Variants in FBXO6 observed in about 807,000 individuals in gnomAD.
FBXO6 encodes F-box protein 6.
In FBXO6, 13 loss-of-function variants were observed where a neutral mutation model predicts 25.0. The ratio of observed to expected loss-of-function variants is 0.52; its 90% CI spans 0.34 to 0.83. The LOEUF (loss-of-function observed/expected upper bound fraction) is 0.83. Ranked by LOEUF, FBXO6 falls within the 40% of genes least tolerant of loss-of-function variation. The probability of loss-of-function intolerance (pLI) is 0.02; values close to 1 mark genes in which losing one functional copy is unlikely to be tolerated. For synonymous variants in FBXO6, 138 were observed against 155.3 expected, an observed-to-expected ratio of 0.89 and a Z score of 0.83; for missense variants, 370 against 380.2, an observed-to-expected ratio of 0.97 and a Z score of 0.22.
rs955636873 is a variant in FBXO6, at chr1:11,668,829, G to A, written c.171G>A (p.Lys57=). ...LIDLMTLWKR[K]CLREGFITKD... is the part of the protein sequence containing the mutation. ...ACCTCATGACCCTCTGGAAACGCAA[G>A]TGCCTGCGAGAGGGCTTCATCACCA... Residue 57 remains lysine (K), a synonymous_variant, in exon 2 of 6, where the codon AAG becomes AAA. Transcript: ENST00000376753. The A allele has an allele frequency of 6.2e-7, 1 of 1,614,182 alleles. No individual in the cohort carries two copies. The highest frequency in any genetic ancestry group is 1.6e-4 in the Middle Eastern group (1 of 6,062).
intron 1 of FBXO6, among the ~76,000 whole-genome samples, chr1:11,668,045 T>C (rs900323678): frequency 1.3e-5 from 2 of 150,588 alleles, no homozygotes; most frequent in South Asian, 2.1e-4. Context: ...TGAGCCGAGA[T>C]TGCACCACTG....
At position 11,670,640 on chromosome 1, in the gene FBXO6, G is replaced by A. The variant is rs991320361; in HGVS notation, c.287-626G>A. Among the ~76,000 whole-genome samples the A allele has an allele frequency of 9.5e-4, 30 of 31,694 alleles. 1 individual carries two copies. Among genetic ancestry groups the A allele is most frequent in the African/African-American group, 7.5e-3 (24 of 3,180 alleles). The allele number at this position is 31,694 out of a possible 152,430, so 20.8% of individuals were successfully genotyped here. On this transcript the variant is annotated intron_variant, in intron 2 of 5. Transcript: ENST00000376753. ...TTATTTTACTTATTAAAAAAAAAAG[G>A]GGGGGGGGGTGTCGCTATGTTCCCC...
intron 2 of FBXO6, among the ~76,000 whole-genome samples, chr1:11,669,967 C>CTTTGGGAGGCT (rs1460294640): frequency 2.1e-5 from 3 of 143,934 alleles, no homozygotes; most frequent in Non-Finnish European, 4.6e-5. Context: ...AATCCCAACA[C>CTTTGGGAGGCT]TTTGGGAGGC....
At chr1:11,667,103 C>T (rs148558793) in intron 1 of FBXO6, among the ~76,000 whole-genome samples, 10 of 150,976 alleles carry the variant, frequency 6.6e-5, no homozygotes, top group African/African-American at 2.0e-4. Context: ...GCCGAGATCA[C>T]GCCATTGCAC....
At chr1:11,672,537 A>C (rs1640647519) in intron 4 of FBXO6, among the ~76,000 whole-genome samples, 1 of 151,770 alleles carries the variant, frequency 6.6e-6, no homozygotes, top group South Asian at 2.1e-4. Context: ...TGATCCACCC[A>C]CCTCGGCCTC....
At position 11,673,988 on chromosome 1, in the gene FBXO6, A is replaced by G. The variant is rs964272176; in HGVS notation, c.*137A>G. On this transcript the variant is annotated 3_prime_UTR_variant, in exon 6 of 6. Transcript: ENST00000376753. The surrounding 1 kb of genome is among the most constrained non-coding windows in gnomAD (Gnocchi z 4.3). ...CCAGCTTGTGGTAACTTACTGTCAC[A>G]TAGCTCTGACGTTTTGTTGTAATAA... The G allele has an allele frequency of 2.6e-5, 19 of 733,380 alleles. No individual in the cohort carries two copies. The highest frequency in any genetic ancestry group is 2.1e-4 in the Admixed American group (9 of 42,618). 45.4% of individuals were successfully genotyped at this position (733,380 alleles called of 1,614,324 possible). A position where few individuals can be genotyped will look rare whatever the true frequency, so the allele number is the denominator to read the frequency against.
At position 11,671,368 on chromosome 1, in the gene FBXO6, A is replaced by G. The variant is rs755876967; in HGVS notation, c.389A>G (p.Lys130Arg). 11 of 1,613,976 alleles carry G rather than the reference A, an allele frequency of 6.8e-6. No homozygotes were observed. The South Asian group carries it at 1.1e-4, about 16-fold the overall frequency. Residue 130 changes from lysine (K) to arginine (R), a missense_variant, in exon 3 of 6, where the codon AAG (lysine) becomes AGG (arginine). Lys to Arg is a conservative substitution (Grantham distance 26). Coordinates refer to ENST00000376753, the MANE Select transcript of FBXO6 (RefSeq NM_018438.6). ...ACAGATTTTCCTGACCCCAAAGTCAAGAAGTATTTTGTCACATCCTACGAG... is the reference window on the plus strand; with the variant it reads ...ACAGATTTTCCTGACCCCAAAGTCAGGAAGTATTTTGTCACATCCTACGAG... Reference protein sequence around the residue: ...HGTDFPDPKVKKYFVTSYEMC... With the variant: ...HGTDFPDPKVRKYFVTSYEMC...
chr1:11,666,545 C>T (rs1399296179), intron 1 of FBXO6, among the ~76,000 whole-genome samples: 1 of 151,972 alleles, frequency 6.6e-6, no homozygotes, highest in Non-Finnish European at 1.5e-5. Flanking sequence ...CCACGCCTGG[C>T]TAATTTTTTT....
rs781735569 is a variant in FBXO6 at position 11,673,573 on chromosome 1, C to A, written c.646-42C>A. 1.3e-6 allele frequency: 2 copies of A among 1,593,410 alleles called. No individual in the cohort carries two copies. The highest frequency in any genetic ancestry group is 2.7e-5 in the African/African-American group (2 of 74,514). ...GAGGACCTGGCTCCTGCCTTCCCCTCCCCCGTCCCGGTGGTCACTTCCTCT... is the reference window on the plus strand; with the variant it reads ...GAGGACCTGGCTCCTGCCTTCCCCTACCCCGTCCCGGTGGTCACTTCCTCT... On this transcript the variant is annotated intron_variant, in intron 5 of 5. Coordinates refer to ENST00000376753, the MANE Select transcript of FBXO6 (RefSeq NM_018438.6). The surrounding 1 kb of genome is among the most constrained non-coding windows in gnomAD (Gnocchi z 4.3).
At chr1:11,665,552 G>A in intron 1 of FBXO6, among the ~76,000 whole-genome samples, 1 of 54,776 alleles carries the variant, frequency 1.8e-5, no homozygotes, top group East Asian at 4.4e-4. Flanking sequence ...ACCGCGCCCG[G>A]CCTTTTTTTT....
At position 11,673,966 on chromosome 1, in the gene FBXO6, G is replaced by C; in HGVS notation, c.*115G>C. 1 of 871,158 alleles carries C rather than the reference G, an allele frequency of 1.1e-6. No homozygotes were observed. The highest frequency in any genetic ancestry group is 1.5e-5 in the South Asian group (1 of 65,696). The allele number at this position is 871,158 out of a possible 1,614,324, so 54.0% of individuals were successfully genotyped here. A position where few individuals can be genotyped will look rare whatever the true frequency, so the allele number is the denominator to read the frequency against. On this transcript the variant is annotated 3_prime_UTR_variant, in exon 6 of 6. Transcript: ENST00000376753. This position sits in a 1 kb window ranked among gnomAD's most constrained non-coding sequence, Gnocchi z 4.3. Reference sequence around the variant, plus strand: ...CTCCTGCCCCGGTTCAACCCTACCAGCTTGTGGTAACTTACTGTCACATAG... The same window carrying C: ...CTCCTGCCCCGGTTCAACCCTACCACCTTGTGGTAACTTACTGTCACATAG...
intron 1 of FBXO6, among the ~76,000 whole-genome samples, chr1:11,666,484 C>T (rs1010477273): frequency 6.6e-6 from 1 of 151,830 alleles, no homozygotes; most frequent in East Asian, 1.9e-4. Context: ...CAGGTTCACA[C>T]GATTCTCCTG....
intron 1 of FBXO6, chr1:11,664,636 C>T (rs1285355781): frequency 6.6e-6 from 1 of 152,116 alleles, no homozygotes; most frequent in African/African-American, 2.4e-5. Context: ...GAGGCCGGCG[C>T]CGGGTTCGGA....
Position 11,673,809 on chromosome 1 carries a change from G to C in FBXO6, c.840G>C (p.Glu280Asp), listed in dbSNP as rs28924120. 9.9e-6 allele frequency: 16 copies of C among 1,614,102 alleles called. No homozygotes were observed. The African/African-American group carries it at 1.9e-4, about 19-fold the overall frequency. Residue 280 changes from glutamate (E) to aspartate (D), a missense_variant, in exon 6 of 6, where the codon GAG (glutamate) becomes GAC (aspartate). Coordinates refer to ENST00000376753, the MANE Select transcript of FBXO6 (RefSeq NM_018438.6). The surrounding 1 kb of genome is among the most constrained non-coding windows in gnomAD (Gnocchi z 4.3). ...AQPGQKHGQE[E>D]AAQSPYRAVV... ...CTGGGCAGAAGCATGGACAGGAGGAGGCTGCCCAATCGCCCTACCGAGCTG... is the reference window on the plus strand; with the variant it reads ...CTGGGCAGAAGCATGGACAGGAGGACGCTGCCCAATCGCCCTACCGAGCTG...
chr1:11,668,146 T>C (rs1216936204), intron 1 of FBXO6, among the ~76,000 whole-genome samples: 1 of 147,192 alleles, frequency 6.8e-6, no homozygotes, highest in African/African-American at 2.5e-5. Context: ...AGCATTAAAA[T>C]AACAATCACC....
chr1:11,669,677 CACAT>C (rs1268475233), intron 2 of FBXO6, among the ~76,000 whole-genome samples: 1 of 69,160 alleles, frequency 1.4e-5, no homozygotes, highest in African/African-American at 1.1e-4. Context: ...TATATATGTA[CACAT>C]ATATACGTAT....
chr1:11,668,253 T>C (rs990980704), intron 1 of FBXO6, among the ~76,000 whole-genome samples: 2 of 152,136 alleles, frequency 1.3e-5, no homozygotes, highest in East Asian at 1.9e-4. Flanking sequence ...TTTTTTTAAA[T>C]TGGGGAGGGG....
At chr1:11,669,666 G>GTATATATGTATA (rs1553167071) in intron 2 of FBXO6, among the ~76,000 whole-genome samples, 3 of 104,994 alleles carry the variant, frequency 2.9e-5, no homozygotes, top group African/African-American at 9.9e-5. Flanking sequence ...ATATACACAT[G>GTATATATGTATA]TATATATGTA....
intron 1 of FBXO6, among the ~76,000 whole-genome samples, chr1:11,666,269 A>G (rs3117067): frequency 0.55 from 83,354 of 151,094 alleles, 23,658 homozygotes; most frequent in African/African-American, 0.68. Context: ...TGACGCCATA[A>G]CCTCCCAAGT....
Sources: allele counts gnomAD v4.1 joint callset (sites outside exome capture counted in the v4.1 genomes callset), GRCh38; gene constraint gnomAD v4.1.1; non-coding constraint Gnocchi (gnomAD v3.1); transcripts MANE v1.5; gene names NCBI Gene and HGNC (gene_info 2026-07-23, HGNC 2026-07-21).